FAM184A: variants seen among roughly 807,000 people sequenced by gnomAD.
FAM184A encodes protein FAM184A.
In FAM184A, 99 loss-of-function variants were observed where a neutral mutation model predicts 143.8. The ratio of observed to expected loss-of-function variants is 0.69; its 90% CI spans 0.58 to 0.81. FAM184A has a LOEUF of 0.81. FAM184A is among the 40% of genes least tolerant of loss of function. The probability of loss-of-function intolerance (pLI) is 0.00; values close to 1 mark genes in which losing one functional copy is unlikely to be tolerated. For missense variants in FAM184A, 1,217 were observed against 1,310.5 expected (o/e 0.93, Z 1.10); for synonymous variants, 427 against 446.4 (o/e 0.96, Z 0.55).
chr6:119,077,921 C>T (rs1028853519), intron 1 of FAM184A, among the ~76,000 whole-genome samples: 1 of 152,262 alleles, frequency 6.6e-6, no homozygotes, highest in Non-Finnish European at 1.5e-5. Context: ...AGGTGCAAGT[C>T]CCTTACGCGC....
At chr6:119,136,949 T>A (rs1431381288) in intron 1 of FAM184A, among the ~76,000 whole-genome samples, 1 of 152,244 alleles carries the variant, frequency 6.6e-6, no homozygotes, top group Non-Finnish European at 1.5e-5. Context: ...GATGCTGGAC[T>A]GGCAAAATTG....
chr6:119,053,942 G>T (rs762191656), intron 1 of FAM184A, among the ~76,000 whole-genome samples: 1 of 152,092 alleles, frequency 6.6e-6, no homozygotes, highest in Admixed American at 6.5e-5. Flanking sequence ...TTCTCAGCAG[G>T]CACTACACAT....
rs180957426 is a variant in FAM184A at position 119,059,411 on chromosome 6, A to G, written c.159+18730T>C. ...ATAAACATTCCACATTTTTCTTCCA[A>G]TGTATTTTACTGAGATTTTATTTCC... On this transcript the variant is annotated intron_variant, in intron 1 of 17. Transcript: ENST00000338891. 2.4e-3 allele frequency among the ~76,000 whole-genome samples: 365 copies of G among 152,290 alleles called. 7 individuals are homozygous for G. Among genetic ancestry groups the G allele is most frequent in the Non-Finnish European group, 1.5e-3 (105 of 68,018 alleles).
At chr6:119,102,801 A>AAG (rs1214860739) in intron 1 of FAM184A, among the ~76,000 whole-genome samples, 3 of 148,926 alleles carry the variant, frequency 2.0e-5, no homozygotes, top group African/African-American at 7.3e-5. Flanking sequence ...AAAAAAAAAA[A>AAG]AAAAAAGAAA....
At chr6:118,970,008 A>ATATATATATATATATAT in intron 14 of FAM184A, among the ~76,000 whole-genome samples, 1 of 19,052 alleles carries the variant, frequency 5.2e-5, no homozygotes, top group Non-Finnish European at 1.1e-4. Flanking sequence ...ATATATATAT[A>ATATATATATATATATAT]TTTTTTTTTT....
intron 1 of FAM184A, among the ~76,000 whole-genome samples, chr6:119,043,090 A>C (rs1430254771): frequency 6.6e-6 from 1 of 152,140 alleles, no homozygotes; most frequent in African/African-American, 2.4e-5. Context: ...AATAAATCTG[A>C]TGGGGTTCCA....
At chr6:119,120,391 T>A (rs1271687024) in intron 1 of FAM184A, among the ~76,000 whole-genome samples, 1 of 152,274 alleles carries the variant, frequency 6.6e-6, no homozygotes, top group Non-Finnish European at 1.5e-5. Context: ...ACACTACATA[T>A]TGTATAGACA....
chr6:119,090,105 T>G (rs1788329904), intron 1 of FAM184A, among the ~76,000 whole-genome samples: 1 of 152,202 alleles, frequency 6.6e-6, no homozygotes, highest in Admixed American at 6.5e-5. Context: ...TGGCTTCCTT[T>G]GCAAGCAGGG....
intron 6 of FAM184A, 34 bp from the exon 7 acceptor site, chr6:119,006,642 A>G (rs750985874): frequency 6.0e-6 from 9 of 1,503,222 alleles, no homozygotes; most frequent in Admixed American, 4.1e-5. Flanking sequence ...AATATATTTC[A>G]TTGTAATAGA....
intron 9 of FAM184A, among the ~76,000 whole-genome samples, chr6:118,983,866 G>A (rs1230493295): frequency 6.6e-6 from 1 of 151,660 alleles, no homozygotes; most frequent in Non-Finnish European, 1.5e-5. Context: ...AAAAATATAT[G>A]GGCCGGGCAC....
At chr6:119,114,284 G>A in intron 1 of FAM184A, among the ~76,000 whole-genome samples, 1 of 152,134 alleles carries the variant, frequency 6.6e-6, no homozygotes. Context: ...AGTTAAATTT[G>A]ATTTTCAGAC....
At chr6:119,090,261 C>T (rs1278958206) in intron 1 of FAM184A, among the ~76,000 whole-genome samples, 1 of 152,226 alleles carries the variant, frequency 6.6e-6, no homozygotes. Flanking sequence ...AAATGAATCT[C>T]AGAATTTTCT....
chr6:119,122,403 GGGTTGTAGCCAGCAA>G lies in FAM184A; in HGVS notation c.-202+26660_-202+26674del, dbSNP rs527547356. On this transcript the variant is annotated intron_variant, in intron 1 of 16. Transcript: ENST00000352896. ...AAGAGGAGACTTTATTTTTTACAAA[GGGTTGTAGCCAGCAA>G]GGTGGCCTTTCTGACAGTCTGGGAA... 4.7e-3 allele frequency among the ~76,000 whole-genome samples: 709 copies of G among 152,264 alleles called. 3 individuals carry two copies. The highest frequency in any genetic ancestry group is 7.6e-3 in the Non-Finnish European group (516 of 68,022).
At chr6:119,054,166 A>T (rs548903062) in intron 1 of FAM184A, among the ~76,000 whole-genome samples, 19 of 152,320 alleles carry the variant, frequency 1.2e-4, no homozygotes, top group African/African-American at 4.6e-4. Context: ...ACTATTTTTT[A>T]CAGAAAACGA....
At chr6:119,035,165 T>C (rs1047221052) in intron 1 of FAM184A, among the ~76,000 whole-genome samples, 35 of 152,272 alleles carry the variant, frequency 2.3e-4, no homozygotes, top group African/African-American at 7.5e-4. Context: ...TAACAAAACC[T>C]TTTAACCCAC....
chr6:119,109,698 G>T (rs1788881598), intron 1 of FAM184A, among the ~76,000 whole-genome samples: 1 of 152,162 alleles, frequency 6.6e-6, no homozygotes, highest in African/African-American at 2.4e-5. Context: ...CCACATTCAT[G>T]AGGACTTTCA....
At chr6:119,133,732 G>A (rs951065156) in intron 1 of FAM184A, among the ~76,000 whole-genome samples, 1 of 151,950 alleles carries the variant, frequency 6.6e-6, no homozygotes, top group African/African-American at 2.4e-5. Flanking sequence ...CTCAGAAGGG[G>A]GTCCTCCAAG....
intron 1 of FAM184A, among the ~76,000 whole-genome samples, chr6:119,052,007 C>T (rs1334922): frequency 0.53 from 80,145 of 152,010 alleles, 22,215 homozygotes; most frequent in East Asian, 0.95. Context: ...AGACTCAGGT[C>T]CTGAGCTGGG....
chr6:119,016,008 A>G (rs1334510274), intron 5 of FAM184A, among the ~76,000 whole-genome samples: 8 of 152,150 alleles, frequency 5.3e-5, no homozygotes, highest in Non-Finnish European at 7.4e-5. Context: ...AAACACACCA[A>G]TCAGCACCCT....
Sources: allele counts gnomAD v4.1 joint callset (sites outside exome capture counted in the v4.1 genomes callset), GRCh38; gene constraint gnomAD v4.1.1; transcripts MANE v1.5; gene names NCBI Gene and HGNC (gene_info 2026-07-23, HGNC 2026-07-21).